RBFOX1: variants seen among roughly 807,000 people sequenced by gnomAD.
The protein encoded by RBFOX1 is RNA binding fox-1 homolog 1.
A neutral mutation model predicts 57.7 loss-of-function variants in RBFOX1; 8 were observed. That is an observed-to-expected ratio of 0.14 (90% CI 0.08 to 0.25). The LOEUF (loss-of-function observed/expected upper bound fraction) is 0.25, where lower values mean the gene tolerates loss of function less well. RBFOX1 is among the 10% of genes least tolerant of loss of function. The pLI is 1.00. For synonymous variants in RBFOX1, 326 were observed against 222.4 expected (o/e 1.47, Z -4.15); for missense variants, 611 against 548.5 (o/e 1.11, Z -1.14).
At chr16:7,546,614 T>C (rs535210749) in intron 5 of RBFOX1, among the ~76,000 whole-genome samples, 1 of 152,344 alleles carries the variant, frequency 6.6e-6, no homozygotes, top group East Asian at 1.9e-4. Flanking sequence ...AATGCAAAGA[T>C]GATACCTGCT....
At chr16:6,407,295 A>G (rs2093316262) in intron 2 of RBFOX1, among the ~76,000 whole-genome samples, 1 of 152,154 alleles carries the variant, frequency 6.6e-6, no homozygotes, top group South Asian at 2.1e-4. Flanking sequence ...TATCCATATC[A>G]AATATGTACA....
At position 5,918,747 on chromosome 16, in the gene RBFOX1, C is replaced by G. The variant is rs145506974; in HGVS notation, c.351+51412C>G. The stretch of plus-strand genomic sequence containing the variant: ...GGACTGTGAATTTGCATAAGACTTC[C>G]TGGTTGTCCTGAGGTTGATCACAGT... On this transcript the variant is annotated intron_variant, in intron 4 of 19. Coordinates refer to the RBFOX1 transcript ENST00000641259. Among the ~76,000 whole-genome samples the G allele has an allele frequency of 5.9e-3, 892 of 152,282 alleles. 13 individuals carry two copies. The highest frequency in any genetic ancestry group is 8.8e-3 in the Non-Finnish European group (600 of 68,024).
At chr16:7,428,634 G>C (rs575526075) in intron 4 of RBFOX1, among the ~76,000 whole-genome samples, 1 of 151,470 alleles carries the variant, frequency 6.6e-6, no homozygotes, top group Non-Finnish European at 1.5e-5. Context: ...GCCTCCCATA[G>C]TGCTGGGATT....
chr16:5,418,311 C>G (rs937900186), intron 1 of RBFOX1, among the ~76,000 whole-genome samples: 1 of 150,570 alleles, frequency 6.6e-6, no homozygotes, highest in Admixed American at 6.7e-5. Flanking sequence ...AGCCTGAGCC[C>G]TGGCCCTTGG....
chr16:6,931,376 T>TGTGTATGTAAAC lies in RBFOX1; in HGVS notation c.-15-120681_-15-120680insGTGTATGTAAAC, dbSNP rs756845586. Among the ~76,000 whole-genome samples the TGTGTATGTAAAC allele has an allele frequency of 8.7e-3, 1,321 of 151,274 alleles. 14 individuals are homozygous for TGTGTATGTAAAC. Among genetic ancestry groups the TGTGTATGTAAAC allele is most frequent in the African/African-American group, 0.031 (1,272 of 40,816 alleles). On this transcript the variant is annotated intron_variant, in intron 3 of 15. Coordinates refer to ENST00000550418, the MANE Select transcript of RBFOX1 (RefSeq NM_018723.4). The stretch of plus-strand genomic sequence containing the variant: ...ACACACACACACATACATACACATA[T>TGTGTATGTAAAC]ATACATACATATATGTGTATGTTTA...
intron 4 of RBFOX1, among the ~76,000 whole-genome samples, chr16:7,185,586 C>T (rs1434237163): frequency 1.3e-5 from 2 of 152,158 alleles, no homozygotes; most frequent in South Asian, 2.1e-4. Flanking sequence ...AGAAACCCTG[C>T]CACTTTTATT....
chr16:7,319,382 A>C lies in RBFOX1; in HGVS notation c.28-198765A>C, dbSNP rs12596134. 3.9e-4 allele frequency among the ~76,000 whole-genome samples: 60 copies of C among 152,316 alleles called. No individual in the cohort carries two copies. The East Asian group carries it at 9.1e-3, about 23-fold the overall frequency. The stretch of plus-strand genomic sequence containing the variant: ...AAATTAGTGCCTAACCAGCTCAATA[A>C]GTTTACAAGCATTTGTAGAAGAGGC... On this transcript the variant is annotated intron_variant, in intron 4 of 15. Coordinates refer to ENST00000550418, the MANE Select transcript of RBFOX1 (RefSeq NM_018723.4).
At chr16:7,303,202 A>C (rs1303220838) in intron 4 of RBFOX1, among the ~76,000 whole-genome samples, 4 of 152,186 alleles carry the variant, frequency 2.6e-5, no homozygotes, top group Non-Finnish European at 5.9e-5. Context: ...CTGCCTGCCC[A>C]ACCAAGGCGA....
intron 4 of RBFOX1, among the ~76,000 whole-genome samples, chr16:7,180,647 A>G (rs2082513471): frequency 1.3e-5 from 2 of 151,288 alleles, no homozygotes; most frequent in Non-Finnish European, 2.9e-5. Context: ...ATTGCAAAAG[A>G]TTTACTTGGG....
At chr16:5,830,029 C>A (rs995913410) in intron 3 of RBFOX1, among the ~76,000 whole-genome samples, 1 of 152,184 alleles carries the variant, frequency 6.6e-6, no homozygotes, top group Admixed American at 6.5e-5. Flanking sequence ...ATTCAAATAG[C>A]CATGACATTT....
At chr16:6,951,274 C>A (rs534722746) in intron 3 of RBFOX1, among the ~76,000 whole-genome samples, 1 of 152,244 alleles carries the variant, frequency 6.6e-6, no homozygotes, top group Admixed American at 6.5e-5. Flanking sequence ...AGTCACCCAT[C>A]TTCTGAGGGG....
intron 1 of RBFOX1, among the ~76,000 whole-genome samples, chr16:6,155,565 G>T (rs17215032): frequency 0.038 from 5,764 of 152,300 alleles, 110 homozygotes; most frequent in Middle Eastern, 0.13. Flanking sequence ...CATCGATAGT[G>T]ACCAGAAGGC....
At chr16:5,602,993 G>C (rs2047416568), downstream of RBFOX1, among the ~76,000 whole-genome samples, 1 of 152,144 alleles carries the variant, frequency 6.6e-6, no homozygotes. Flanking sequence ...GGGTTTACAA[G>C]ACTAAATGTG....
intron 3 of RBFOX1, among the ~76,000 whole-genome samples, chr16:6,861,627 C>T (rs8058045): frequency 0.24 from 37,180 of 151,786 alleles, 5,048 homozygotes; most frequent in Admixed American, 0.37. Context: ...TACATTGGGT[C>T]TTTATGTTGC....
At chr16:5,913,066 T>C (rs1316149736) in intron 4 of RBFOX1, among the ~76,000 whole-genome samples, 1 of 152,106 alleles carries the variant, frequency 6.6e-6, no homozygotes, top group East Asian at 1.9e-4. Context: ...CTTAGGCGAG[T>C]CCCTTGACAT....
chr16:6,596,246 C>G (rs77189516), intron 2 of RBFOX1, among the ~76,000 whole-genome samples: 12,202 of 152,096 alleles, frequency 0.08, 913 homozygotes, highest in East Asian at 0.4. Context: ...ATAGTATTAG[C>G]TCTAACATTT....
intron 1 of RBFOX1, among the ~76,000 whole-genome samples, chr16:5,269,139 A>C (rs191127661): frequency 2.0e-5 from 3 of 151,448 alleles, no homozygotes; most frequent in Non-Finnish European, 2.9e-5. Context: ...CTGGTCTCAA[A>C]CTCCTGGCCT....
At chr16:7,664,776 G>T in intron 12 of RBFOX1, 153 bp from the exon 13 acceptor site, 3 of 1,391,386 alleles carry the variant, frequency 2.2e-6, no homozygotes, top group South Asian at 2.6e-5. Context: ...AACTGCCGTT[G>T]TCTCCAACCT....
chr16:6,555,093 G>T lies in RBFOX1; in HGVS notation c.-63-99510G>T, dbSNP rs1411762917. On this transcript the variant is annotated intron_variant, in intron 2 of 15. Coordinates refer to ENST00000550418, the MANE Select transcript of RBFOX1 (RefSeq NM_018723.4). The stretch of plus-strand genomic sequence containing the variant: ...TTCTTGCACATGGAAACACAGGGAA[G>T]GAGGATAAGGGGGTGCCTCCATTCT... 2.6e-5 allele frequency among the ~76,000 whole-genome samples: 4 copies of T among 152,152 alleles called. No homozygotes were observed. The East Asian group carries it at 7.7e-4, about 29-fold the overall frequency.
Sources: allele counts gnomAD v4.1 joint callset (sites outside exome capture counted in the v4.1 genomes callset), GRCh38; gene constraint gnomAD v4.1.1; transcripts MANE v1.5; gene names NCBI Gene and HGNC (gene_info 2026-07-23, HGNC 2026-07-21).